THRB: variants seen among roughly 807,000 people sequenced by gnomAD.
THRB encodes nuclear receptor subfamily 1 group A member 2.
THRB carries 12 observed loss-of-function variants against 47.8 expected under a neutral mutation model. The observed-to-expected ratio is 0.25, with a 90% CI of 0.16 to 0.41. The LOEUF is 0.41. Among genes scored for constraint, THRB ranks in the 10% least tolerant of loss-of-function variants. The pLI is 1.00. For missense variants in THRB, 348 were observed against 589.2 expected (o/e 0.59, Z 4.24); for synonymous variants, 218 against 212.2 (o/e 1.03, Z -0.24).
At chr3:24,383,476 G>C (rs958332837) in intron 1 of THRB, among the ~76,000 whole-genome samples, 1 of 152,028 alleles carries the variant, frequency 6.6e-6, no homozygotes, top group Non-Finnish European at 1.5e-5. Context: ...TTAATAGTAG[G>C]TACACTGAAT....
intron 2 of THRB, among the ~76,000 whole-genome samples, chr3:24,331,673 C>T (rs1385072885): frequency 3.3e-5 from 4 of 122,326 alleles, no homozygotes; most frequent in African/African-American, 7.4e-5. Flanking sequence ...CACACACCTC[C>T]GTGTATGGTG....
intron 4 of THRB, among the ~76,000 whole-genome samples, chr3:24,211,842 CCA>C (rs1183042724): frequency 1.3e-5 from 2 of 152,144 alleles, no homozygotes; most frequent in Non-Finnish European, 2.9e-5. Context: ...TATTTCATGC[CCA>C]GTTTCAGAGG....
rs150377053 is a variant in THRB at position 24,216,237 on chromosome 3, C to T, written c.22+12701G>A. Among the ~76,000 whole-genome samples, 115 of 152,284 alleles carry T rather than the reference C, an allele frequency of 7.6e-4. 1 individual carries two copies. Among genetic ancestry groups the T allele is most frequent in the Non-Finnish European group, 7.3e-4 (50 of 68,028 alleles). The stretch of plus-strand genomic sequence containing the variant: ...TTCAAGTTAATGGGCTTTGTTTCTC[C>T]ACCTGTAATTTCATGGCATTGAACT... On this transcript the variant is annotated intron_variant, in intron 4 of 10. Transcript: ENST00000646209.
intron 1 of THRB, among the ~76,000 whole-genome samples, chr3:24,377,376 C>A (rs1479135938): frequency 6.6e-6 from 1 of 152,076 alleles, no homozygotes; most frequent in Non-Finnish European, 1.5e-5. Flanking sequence ...CCAAGTTGGG[C>A]CAGTGACTGT....
At chr3:24,326,016 G>A (rs1178075865) in intron 2 of THRB, among the ~76,000 whole-genome samples, 1 of 151,818 alleles carries the variant, frequency 6.6e-6, no homozygotes, top group Non-Finnish European at 1.5e-5. Flanking sequence ...ATTCTTCTAG[G>A]CTTGATACAA....
At chr3:24,237,530 TCTCTCTTCCCCTTC>T (rs572860720) in intron 3 of THRB, among the ~76,000 whole-genome samples, 129 of 152,286 alleles carry the variant, frequency 8.5e-4, no homozygotes, top group African/African-American at 2.9e-3. Flanking sequence ...TGTCCTCTTC[TCTCTCTTCCCCTTC>T]CTCTTCCCCT....
chr3:24,291,739 A>G (rs773385957), intron 3 of THRB, among the ~76,000 whole-genome samples: 4 of 152,170 alleles, frequency 2.6e-5, no homozygotes, highest in Non-Finnish European at 5.9e-5. Context: ...GGCTGACTCT[A>G]CATTTCTTGC....
chr3:24,434,346 T>C (rs1446617094), intron 1 of THRB, among the ~76,000 whole-genome samples: 1 of 152,172 alleles, frequency 6.6e-6, no homozygotes, highest in East Asian at 1.9e-4. Context: ...TCACTAAGTG[T>C]TCTGCCAAGG....
intron 2 of THRB, among the ~76,000 whole-genome samples, chr3:24,335,289 GTT>G (rs1173318569): frequency 6.6e-6 from 1 of 152,138 alleles, no homozygotes; most frequent in Non-Finnish European, 1.5e-5. Context: ...CACGTTACAG[GTT>G]TCATTGCTTG....
At chr3:24,188,899 C>A (rs1469621129) in intron 5 of THRB, among the ~76,000 whole-genome samples, 10 of 88,146 alleles carry the variant, frequency 1.1e-4, no homozygotes, top group African/African-American at 7.2e-4. Context: ...GAAAGAGAGT[C>A]CAAATACAAA....
In THRB at chr3:24,137,612, G is replaced by A. The variant is rs147666193; in HGVS notation, c.739-4150C>T. On this transcript the variant is annotated intron_variant, in intron 8 of 10. Coordinates refer to ENST00000646209, the MANE Select transcript of THRB (RefSeq NM_001354712.2). Reference sequence around the variant, plus strand: ...AGTCCCAAAGCCAGAAAGGAGGCCCGTGTGGTTAGAGCCCAGTGATGGCAT... The same window carrying A: ...AGTCCCAAAGCCAGAAAGGAGGCCCATGTGGTTAGAGCCCAGTGATGGCAT... 6.0e-3 allele frequency among the ~76,000 whole-genome samples: 912 copies of A among 152,282 alleles called. 9 individuals carry two copies. The highest frequency in any genetic ancestry group is 0.021 in the African/African-American group (874 of 41,548).
rs140872077 is a variant in THRB, at chr3:24,219,900, T to C, written c.22+9038A>G. 1.8e-3 allele frequency among the ~76,000 whole-genome samples: 273 copies of C among 152,316 alleles called. 5 individuals carry two copies. Among genetic ancestry groups the C allele is most frequent in the African/African-American group, 6.1e-3 (255 of 41,570 alleles). On this transcript the variant is annotated intron_variant, in intron 4 of 10. Coordinates refer to ENST00000646209, the MANE Select transcript of THRB (RefSeq NM_001354712.2). ...CCACCAAGTTTGAGAACAACAGCTCTTTCCTTAACACCAGATGCGTAGCGG... is the reference window on the plus strand; with the variant it reads ...CCACCAAGTTTGAGAACAACAGCTCCTTCCTTAACACCAGATGCGTAGCGG...
intron 1 of THRB, among the ~76,000 whole-genome samples, chr3:24,359,789 T>C (rs1182731329): frequency 6.6e-6 from 1 of 152,192 alleles, no homozygotes; most frequent in African/African-American, 2.4e-5. Flanking sequence ...CAGCATGACT[T>C]TGGCTTTATC....
intron 4 of THRB, among the ~76,000 whole-genome samples, chr3:24,194,691 C>T (rs1442764054): frequency 6.6e-6 from 1 of 152,142 alleles, no homozygotes; most frequent in African/African-American, 2.4e-5. Context: ...GAGAAACAAA[C>T]ATAAATCGCA....
chr3:24,198,861 A>T (rs902834798), intron 4 of THRB, among the ~76,000 whole-genome samples: 8 of 152,126 alleles, frequency 5.3e-5, no homozygotes, highest in Non-Finnish European at 1.2e-4. Context: ...TCATGGAGGC[A>T]TGGGTCATAG....
chr3:24,362,385 A>G (rs1234714244), intron 1 of THRB, among the ~76,000 whole-genome samples: 1 of 152,154 alleles, frequency 6.6e-6, no homozygotes, highest in Non-Finnish European at 1.5e-5. Context: ...CCCCCTTCAT[A>G]AGAGATGCTC....
intron 1 of THRB, among the ~76,000 whole-genome samples, chr3:24,389,573 G>A (rs1165296592): frequency 6.6e-6 from 1 of 152,160 alleles, no homozygotes. Context: ...CAGGTTCTCA[G>A]CGAGATTTGT....
At position 24,229,009 on chromosome 3, in the gene THRB, G is replaced by GAA. The variant is rs3836253; in HGVS notation, c.-42-10_-42-9dup. The GAA allele has an allele frequency of 2.9e-4, 422 of 1,478,170 alleles. 5 individuals are homozygous for GAA. The highest frequency in any genetic ancestry group is 7.8e-4 in the South Asian group (68 of 87,472). The allele number at this position is 1,478,170 out of a possible 1,614,324, so 91.6% of individuals were successfully genotyped here. A position where few individuals can be genotyped will look rare whatever the true frequency, so the allele number is the denominator to read the frequency against. ...TTTTTTCACTGACATCTCCTACAAG[G>GAA]AAAAAATACAAAAAAAATCACAGAT... On this transcript the variant is annotated splice_polypyrimidine_tract_variant and intron_variant, in intron 3 of 10. Transcript: ENST00000646209.
At chr3:24,295,012 T>C (rs1262995056) in intron 3 of THRB, among the ~76,000 whole-genome samples, 2 of 152,228 alleles carry the variant, frequency 1.3e-5, no homozygotes, top group African/African-American at 2.4e-5. Context: ...CTTTCTGAAA[T>C]ACTATGTCCA....
Sources: gnomAD v4.1 joint callset for allele counts (sites outside exome capture counted in the v4.1 genomes callset) on GRCh38, gnomAD v4.1.1 for gene constraint, MANE v1.5 for transcripts, NCBI Gene and HGNC (gene_info 2026-07-23, HGNC 2026-07-21) for gene names.